FTO: variants seen among roughly 807,000 people sequenced by gnomAD.
FTO encodes the protein alpha-ketoglutarate-dependent dioxygenase FTO.
A neutral mutation model predicts 63.9 loss-of-function variants in FTO; 47 were observed. That is an observed-to-expected ratio of 0.74 (90% confidence interval 0.58 to 0.94). The LOEUF (loss-of-function observed/expected upper bound fraction) is 0.94. Among genes scored for constraint, FTO ranks in the 40% least tolerant of loss-of-function variants. The pLI is 0.00. For missense variants in FTO, 562 were observed against 618.1 expected (o/e 0.91, Z 0.96); for synonymous variants, 207 against 224.4 (o/e 0.92, Z 0.69).
intron 4 of FTO, among the ~76,000 whole-genome samples, chr16:53,847,543 G>A (rs750528653): frequency 5.9e-5 from 9 of 152,054 alleles, no homozygotes; most frequent in South Asian, 2.1e-4. Flanking sequence ...TGAGGTGGGC[G>A]GATCACCTGA....
At chr16:53,730,068 C>G (rs2076238268) in intron 1 of FTO, among the ~76,000 whole-genome samples, 1 of 152,176 alleles carries the variant, frequency 6.6e-6, no homozygotes, top group Admixed American at 6.5e-5. Context: ...ATAGATTTAT[C>G]ATGGACTTCA....
intron 8 of FTO, among the ~76,000 whole-genome samples, chr16:54,105,950 G>T (rs562457539): frequency 6.6e-6 from 1 of 152,070 alleles, no homozygotes; most frequent in Non-Finnish European, 1.5e-5. Context: ...GAAGAAGACC[G>T]TGTATGTTTT....
intron 4 of FTO, among the ~76,000 whole-genome samples, chr16:53,861,241 C>G (rs1038527221): frequency 6.6e-6 from 1 of 152,130 alleles, no homozygotes; most frequent in Non-Finnish European, 1.5e-5. Flanking sequence ...TGTTGTCAGA[C>G]TGTTACTTAG....
intron 7 of FTO, among the ~76,000 whole-genome samples, chr16:53,904,002 G>C (rs2081471684): frequency 6.6e-6 from 1 of 151,346 alleles, no homozygotes; most frequent in African/African-American, 2.4e-5. Flanking sequence ...ATATAGATTA[G>C]TTTATTTACA....
chr16:54,073,446 T>A (rs577348446), intron 8 of FTO, among the ~76,000 whole-genome samples: 1 of 152,260 alleles, frequency 6.6e-6, no homozygotes, highest in East Asian at 1.9e-4. Flanking sequence ...AGGATCAGGC[T>A]TGGCGTGGGT....
At chr16:54,040,702 C>T (rs1262866408) in intron 8 of FTO, 5 of 152,084 alleles carry the variant, frequency 3.3e-5, no homozygotes, top group African/African-American at 1.2e-4. Context: ...GTGCAAAGTC[C>T]CTGAGGCTGG....
At chr16:53,909,532 CTT>C (rs58121446) in intron 7 of FTO, among the ~76,000 whole-genome samples, 790 of 71,094 alleles carry the variant, frequency 0.011, 7 homozygotes, top group African/African-American at 0.049. Context: ...AGAGCCCCGC[CTT>C]TTTTTTTTTT....
intron 8 of FTO, among the ~76,000 whole-genome samples, chr16:53,959,525 A>G (rs2083017543): frequency 6.6e-6 from 1 of 151,678 alleles, no homozygotes; most frequent in South Asian, 2.1e-4. Flanking sequence ...TATTATTATA[A>G]TTATTATTGT....
intron 8 of FTO, among the ~76,000 whole-genome samples, chr16:54,057,759 T>C (rs958039691): frequency 1.6e-4 from 25 of 152,126 alleles, no homozygotes; most frequent in African/African-American, 6.0e-4. Context: ...GCCCGATATA[T>C]AAATGCAAGT....
chr16:53,985,958 A>G (rs1397789606), intron 8 of FTO, among the ~76,000 whole-genome samples: 1 of 152,192 alleles, frequency 6.6e-6, no homozygotes, highest in Admixed American at 6.5e-5. Context: ...ATTCTTCAAC[A>G]TTTCAGGTTC....
intron 8 of FTO, among the ~76,000 whole-genome samples, chr16:54,074,656 T>C (rs1185941660): frequency 1.3e-5 from 2 of 152,206 alleles, no homozygotes; most frequent in African/African-American, 4.8e-5. Context: ...TTCCTATTTT[T>C]TTCCCTATCA....
intron 8 of FTO, chr16:54,013,483 T>C (rs2084372463): frequency 6.6e-6 from 1 of 152,144 alleles, no homozygotes; most frequent in South Asian, 2.1e-4. Context: ...TTTGAGAGGA[T>C]TGACTCCAAT....
chr16:53,999,010 C>T (rs548986123), intron 8 of FTO, among the ~76,000 whole-genome samples: 10 of 152,240 alleles, frequency 6.6e-5, no homozygotes, highest in Admixed American at 5.9e-4. Flanking sequence ...ACTTCCATAA[C>T]AGAACCCTTA....
chr16:53,847,678 G>C (rs2079667542), intron 4 of FTO, among the ~76,000 whole-genome samples: 1 of 151,204 alleles, frequency 6.6e-6, no homozygotes, highest in Admixed American at 6.6e-5. Context: ...TGAGGCAGGA[G>C]AACTACTTGA....
At chr16:53,829,622 G>A (rs2079093056) in intron 3 of FTO, among the ~76,000 whole-genome samples, 1 of 152,214 alleles carries the variant, frequency 6.6e-6, no homozygotes, top group South Asian at 2.1e-4. Context: ...GCTTAAGGAG[G>A]TCATAGAGAG....
intron 8 of FTO, among the ~76,000 whole-genome samples, chr16:54,049,500 T>TC (rs2085264192): frequency 6.6e-6 from 1 of 152,232 alleles, no homozygotes. Context: ...ATTTTCATTT[T>TC]CAATTAGGAA....
chr16:53,741,395 C>T (rs1036470020), intron 1 of FTO, among the ~76,000 whole-genome samples: 1 of 152,138 alleles, frequency 6.6e-6, no homozygotes, highest in African/African-American at 2.4e-5. Flanking sequence ...CAAGTAACTT[C>T]TATTGCATTG....
chr16:53,963,942 A>G (rs1179680470), intron 8 of FTO, among the ~76,000 whole-genome samples: 1 of 152,156 alleles, frequency 6.6e-6, no homozygotes, highest in East Asian at 1.9e-4. Flanking sequence ...TAGTAGAGAC[A>G]GGGTTTCACC....
chr16:54,071,137 C>T (rs1279864711), intron 8 of FTO: 1 of 152,184 alleles, frequency 6.6e-6, no homozygotes, highest in Non-Finnish European at 1.5e-5. Context: ...AGAAGTGAAA[C>T]AAACTTAGGC....
Sources: allele counts gnomAD v4.1 joint callset (sites outside exome capture counted in the v4.1 genomes callset), GRCh38; gene constraint gnomAD v4.1.1; transcripts MANE v1.5; gene names NCBI Gene and HGNC (gene_info 2026-07-23, HGNC 2026-07-21).